Variants in KCNH7 observed in about 807,000 individuals in gnomAD.
KCNH7 encodes voltage-gated inwardly rectifying potassium channel KCNH7.
Under a neutral mutation model 120.8 loss-of-function variants are expected in KCNH7, and 49 were observed. The ratio of observed to expected loss-of-function variants is 0.41; its 90% CI spans 0.32 to 0.51. The LOEUF is 0.51. Ranked by LOEUF, KCNH7 falls within the 20% of genes least tolerant of loss-of-function variation. The probability of loss-of-function intolerance (pLI) is 0.38; values close to 1 mark genes in which losing one functional copy is unlikely to be tolerated. For synonymous variants in KCNH7, 547 were observed against 516.1 expected, an observed-to-expected ratio of 1.06 and a Z score of -0.81; for missense variants, 1,097 against 1,446.6, an observed-to-expected ratio of 0.76 and a Z score of 3.92.
intron 2 of KCNH7, among the ~76,000 whole-genome samples, chr2:162,569,432 TA>T (rs1302004684): frequency 1.3e-5 from 2 of 148,638 alleles, no homozygotes; most frequent in African/African-American, 5.0e-5. Flanking sequence ...TTTTCTTTAT[TA>T]GTCTTGCTAG....
At chr2:162,794,839 G>A (rs1684080317) in intron 2 of KCNH7, among the ~76,000 whole-genome samples, 1 of 151,824 alleles carries the variant, frequency 6.6e-6, no homozygotes, top group Non-Finnish European at 1.5e-5. Flanking sequence ...AATTTGACAT[G>A]GAAAAATGAC....
intron 2 of KCNH7, among the ~76,000 whole-genome samples, chr2:162,678,136 C>A (rs956107401): frequency 7.3e-5 from 11 of 151,030 alleles, no homozygotes; most frequent in Admixed American, 2.7e-4. Context: ...TGTCTGTGTG[C>A]GTATGTATGA....
intron 3 of KCNH7, among the ~76,000 whole-genome samples, chr2:162,523,185 C>T (rs1164115247): frequency 6.6e-6 from 1 of 151,796 alleles, no homozygotes; most frequent in Non-Finnish European, 1.5e-5. Flanking sequence ...TAAATATCTA[C>T]ATGAGAATCT....
intron 2 of KCNH7, among the ~76,000 whole-genome samples, chr2:162,629,389 T>C (rs1467702638): frequency 3.9e-5 from 6 of 152,004 alleles, no homozygotes; most frequent in African/African-American, 7.2e-5. Context: ...TAGGGCCTGA[T>C]GGGGTTTAGA....
intron 4 of KCNH7, 152 bp downstream of exon 4, chr2:162,517,578 A>G: frequency 1.7e-6 from 1 of 602,496 alleles, no homozygotes; most frequent in East Asian, 2.8e-5. Context: ...AATCAGTAAC[A>G]ACTCTGAGTG....
chr2:162,721,056 T>C (rs1687308134), intron 2 of KCNH7, among the ~76,000 whole-genome samples: 1 of 152,170 alleles, frequency 6.6e-6, no homozygotes, highest in South Asian at 2.1e-4. Context: ...CATTTCAAGC[T>C]ACCAGCTTCT....
chr2:162,687,520 A>G (rs1685938547), intron 2 of KCNH7, among the ~76,000 whole-genome samples: 1 of 152,154 alleles, frequency 6.6e-6, no homozygotes, highest in South Asian at 2.1e-4. Context: ...ATTATTTAAC[A>G]GGAAATATGG....
intron 2 of KCNH7, among the ~76,000 whole-genome samples, chr2:162,654,043 C>A (rs529722292): frequency 6.7e-6 from 1 of 150,118 alleles, no homozygotes; most frequent in Non-Finnish European, 1.5e-5. Context: ...CTAGAACTAC[C>A]GGAATAAAAC....
chr2:162,640,913 T>A (rs183931045), intron 2 of KCNH7, among the ~76,000 whole-genome samples: 64 of 152,082 alleles, frequency 4.2e-4, no homozygotes, highest in Non-Finnish European at 8.8e-4. Flanking sequence ...AGATGGCAAA[T>A]AATCACATGA....
At chr2:162,671,662 A>C (rs538073867) in intron 2 of KCNH7, among the ~76,000 whole-genome samples, 1 of 152,078 alleles carries the variant, frequency 6.6e-6, no homozygotes, top group Non-Finnish European at 1.5e-5. Flanking sequence ...CTTCACCACT[A>C]TGCAATATAT....
chr2:162,424,718 G>C (rs142272206), intron 8 of KCNH7, among the ~76,000 whole-genome samples: 114 of 152,250 alleles, frequency 7.5e-4, no homozygotes, highest in African/African-American at 2.6e-3. Flanking sequence ...GCACTTGCTT[G>C]CTTTTCCATC....
intron 2 of KCNH7, among the ~76,000 whole-genome samples, chr2:162,748,927 T>TCTCC (rs1553520253): frequency 3.6e-5 from 1 of 27,842 alleles, no homozygotes; most frequent in Non-Finnish European, 6.2e-5. Context: ...TTCCCTTTCC[T>TCTCC]TTCCTTCCTT....
In KCNH7 at chr2:162,836,624, T is replaced by C; in HGVS notation, c.220A>G (p.Thr74Ala). ...CTCDFLHGPE[T>A]KRHDIAQIAQ... ...ATTTGGGCAATATCATGCCTCTTGG[T>C]CTCGGGTCCATGGAGAAAGTCGCAG... is the stretch of plus-strand genomic sequence containing the variant. The change falls in exon 2 of 16, where the codon ACC becomes GCC. Residue 74 changes from threonine to alanine, a missense_variant. By Grantham distance (58) the Thr-to-Ala change is moderately conservative. Around this residue, in one of 8 missense-constraint regions of KCNH7, gnomAD observed 57 missense variants for 116.2 expected, o/e 0.49. Coordinates refer to ENST00000332142, the MANE Select transcript of KCNH7 (RefSeq NM_033272.4). The C allele has an allele frequency of 6.2e-7, 1 of 1,614,184 alleles. No individual in the cohort carries two copies. Among genetic ancestry groups the C allele is most frequent in the Non-Finnish European group, 8.5e-7 (1 of 1,180,032 alleles).
At chr2:162,723,673 T>C (rs919124058) in intron 2 of KCNH7, among the ~76,000 whole-genome samples, 8 of 152,222 alleles carry the variant, frequency 5.3e-5, no homozygotes, top group Non-Finnish European at 1.2e-4. Flanking sequence ...TACTTCAGTT[T>C]CTTTTTTTGT....
At position 162,510,066 on chromosome 2, in the gene KCNH7, G is replaced by C. The variant is rs574691641; in HGVS notation, c.913+2588C>G. 2.6e-5 allele frequency among the ~76,000 whole-genome samples: 4 copies of C among 151,610 alleles called. No homozygotes were observed. The East Asian group carries it at 7.8e-4, about 30-fold the overall frequency. On this transcript the variant is annotated intron_variant, in intron 5 of 15. Transcript: ENST00000332142. ...TATATGAGTGATGGAGGTAGGATTAGGTACCCCTCTCACATATTAGAGAAG... is the reference window on the plus strand; with the variant it reads ...TATATGAGTGATGGAGGTAGGATTACGTACCCCTCTCACATATTAGAGAAG...
chr2:162,454,479 T>G (rs1688889696), intron 6 of KCNH7, among the ~76,000 whole-genome samples: 1 of 152,210 alleles, frequency 6.6e-6, no homozygotes. Flanking sequence ...TTTTTTCTAT[T>G]TCTGTGAAGA....
intron 12 of KCNH7, among the ~76,000 whole-genome samples, chr2:162,392,783 A>G (rs965777590): frequency 8.6e-5 from 13 of 151,986 alleles, no homozygotes; most frequent in Non-Finnish European, 1.2e-4. Context: ...GATATTATGA[A>G]ATAAGACTGA....
intron 6 of KCNH7, among the ~76,000 whole-genome samples, chr2:162,468,512 C>CTTTTTTTTTT: frequency 1.3e-5 from 1 of 78,918 alleles, no homozygotes; most frequent in Non-Finnish European, 2.3e-5. Context: ...TATTCTTTTC[C>CTTTTTTTTTT]TTTTTTTTTT....
At chr2:162,445,620 T>A (rs2105554013) in intron 7 of KCNH7, among the ~76,000 whole-genome samples, 1 of 152,268 alleles carries the variant, frequency 6.6e-6, no homozygotes. Context: ...CCTCTTCACA[T>A]AATTTGAACA....
Sources: allele counts gnomAD v4.1 joint callset (sites outside exome capture counted in the v4.1 genomes callset), GRCh38; gene constraint gnomAD v4.1.1; regional missense constraint gnomAD v4.1.1; transcripts MANE v1.5; gene names NCBI Gene and HGNC (gene_info 2026-07-23, HGNC 2026-07-21).